Variants in PDE3B observed in about 807,000 individuals in gnomAD.
PDE3B encodes phosphodiesterase 3B.
PDE3B carries 66 observed loss-of-function variants against 116.8 expected under a neutral mutation model. The observed-to-expected ratio is 0.56, with a 90% confidence interval of 0.46 to 0.69. The LOEUF (loss-of-function observed/expected upper bound fraction) is 0.69. PDE3B is among the 30% of genes least tolerant of loss of function. The pLI is 0.00. For synonymous variants in PDE3B, 595 were observed against 533.6 expected (o/e 1.12, Z -1.59); for missense variants, 1,384 against 1,368.1 (o/e 1.01, Z -0.18).
intron 1 of PDE3B, among the ~76,000 whole-genome samples, chr11:14,742,200 A>G (rs1565117679): frequency 6.6e-6 from 1 of 152,138 alleles, no homozygotes; most frequent in Non-Finnish European, 1.5e-5. Context: ...ACTTGGTTCC[A>G]TTCTCCCTGT....
chr11:14,772,663 G>A (rs926309590), intron 2 of PDE3B: 5 of 151,824 alleles, frequency 3.3e-5, no homozygotes, highest in Admixed American at 6.6e-5. Flanking sequence ...GGAATAATAT[G>A]TGTACTTTTT....
chr11:14,769,506 CTAAGA>C (rs1377468981), intron 1 of PDE3B, among the ~76,000 whole-genome samples: 2 of 150,390 alleles, frequency 1.3e-5, no homozygotes, highest in Non-Finnish European at 3.0e-5. Flanking sequence ...AAAATATAAG[CTAAGA>C]TGAGATTGCT....
At chr11:14,759,793 C>T (rs953670727) in intron 1 of PDE3B, among the ~76,000 whole-genome samples, 5 of 151,958 alleles carry the variant, frequency 3.3e-5, no homozygotes, top group East Asian at 1.9e-4. Flanking sequence ...GTGATCTGCC[C>T]GCCTTGGCCT....
At chr11:14,838,189 C>A (rs1027834153) in intron 11 of PDE3B, among the ~76,000 whole-genome samples, 4 of 151,942 alleles carry the variant, frequency 2.6e-5, no homozygotes, top group African/African-American at 9.7e-5. Flanking sequence ...CCGTGTTAGC[C>A]AGGATGGTCT....
chr11:14,859,057 T>G lies in PDE3B; in HGVS notation c.2535T>G (p.Asn845Lys). Reference protein sequence around the residue: ...ATNAPQAVLYNDRSVLENHHA... With the variant: ...ATNAPQAVLYKDRSVLENHHA... ...TTTCTTTTTAGGCAGTTTTATACAA[T>G]GACAGATCTGTTCTGGAAAATCATC... The change falls in exon 13 of 16, where the codon AAT (asparagine) becomes AAG (lysine). Residue 845 changes from asparagine to lysine, a missense_variant. Asn to Lys is a moderately conservative substitution (Grantham distance 94). Transcript: ENST00000282096. 1 of 1,612,090 alleles carries G rather than the reference T, an allele frequency of 6.2e-7. No homozygotes were observed. The highest frequency in any genetic ancestry group is 8.5e-7 in the Non-Finnish European group (1 of 1,178,886).
At chr11:14,862,325 G>A (rs1847966742) in intron 14 of PDE3B, among the ~76,000 whole-genome samples, 2 of 152,096 alleles carry the variant, frequency 1.3e-5, no homozygotes, top group Non-Finnish European at 2.9e-5. Context: ...ATGATTCCAA[G>A]GTCTCTTTCA....
At chr11:14,879,128 A>G in the PDE3B span, 1 of 1,613,108 alleles carries the variant, frequency 6.2e-7, no homozygotes. Context: ...GGAAAAAGGA[A>G]CCAAAGCTTC....
intron 1 of PDE3B, among the ~76,000 whole-genome samples, chr11:14,713,180 A>G (rs1421616202): frequency 2.0e-5 from 3 of 152,234 alleles, no homozygotes; most frequent in South Asian, 2.1e-4. Context: ...CATTAATTAC[A>G]TAGGTGTTAT....
intron 1 of PDE3B, among the ~76,000 whole-genome samples, chr11:14,721,921 AT>A: frequency 1.4e-5 from 2 of 144,116 alleles, no homozygotes; most frequent in East Asian, 4.0e-4. Flanking sequence ...AACTTAAAGT[AT>A]AATTAAAAAA....
At chr11:14,728,000 G>A (rs1318450906) in intron 1 of PDE3B, among the ~76,000 whole-genome samples, 1 of 151,996 alleles carries the variant, frequency 6.6e-6, no homozygotes, top group East Asian at 1.9e-4. Context: ...TGTTAGAACT[G>A]TTTATGTGAT....
intron 12 of PDE3B, among the ~76,000 whole-genome samples, chr11:14,851,065 C>T (rs957506895): frequency 4.0e-5 from 6 of 151,010 alleles, no homozygotes; most frequent in African/African-American, 9.7e-5. Context: ...CCTCGTGATC[C>T]GTCTGCCTTG....
chr11:14,743,038 G>A (rs964408192), intron 1 of PDE3B, among the ~76,000 whole-genome samples: 3 of 152,156 alleles, frequency 2.0e-5, no homozygotes, highest in South Asian at 2.1e-4. Flanking sequence ...CAGGAGGCAC[G>A]GGGGTCAGGG....
At chr11:14,653,080 T>G (rs1853611829) in intron 1 of PDE3B, among the ~76,000 whole-genome samples, 1 of 152,250 alleles carries the variant, frequency 6.6e-6, no homozygotes, top group Non-Finnish European at 1.5e-5. Context: ...TTGAATTATT[T>G]ATAGTATATA....
At chr11:14,675,710 A>T (rs1232840353) in intron 1 of PDE3B, among the ~76,000 whole-genome samples, 1 of 152,180 alleles carries the variant, frequency 6.6e-6, no homozygotes. Flanking sequence ...TATTCAATGA[A>T]TATGTTCCCT....
chr11:14,839,576 T>C (rs894512826), intron 11 of PDE3B, among the ~76,000 whole-genome samples: 1 of 152,224 alleles, frequency 6.6e-6, no homozygotes, highest in African/African-American at 2.4e-5. Flanking sequence ...ACCTAACTTG[T>C]GATATTTGGC....
intron 12 of PDE3B, among the ~76,000 whole-genome samples, chr11:14,845,301 A>G (rs1041843862): frequency 1.3e-5 from 2 of 151,648 alleles, no homozygotes; most frequent in Admixed American, 6.6e-5. Context: ...AGGAAAACTA[A>G]CAAACAGAAA....
chr11:14,644,801 C>T lies in PDE3B; in HGVS notation c.726C>T (p.Ser242=), dbSNP rs1054556952. The T allele has an allele frequency of 4.3e-6, 7 of 1,610,890 alleles. No homozygotes were observed. The African/African-American group carries it at 5.3e-5, about 12-fold the overall frequency. The change falls in exon 1 of 16, where the codon TCC becomes TCT. Residue 242 remains serine (S), a synonymous_variant. Coordinates refer to ENST00000282096, the MANE Select transcript of PDE3B (RefSeq NM_000922.4). ...TCACCAGCCTCGGGTCGCTGCCCTCCGCCCTCAGGCCGCTGCTCTCCGGCC... is the reference window on the plus strand; with the variant it reads ...TCACCAGCCTCGGGTCGCTGCCCTCTGCCCTCAGGCCGCTGCTCTCCGGCC... The part of the protein sequence containing the change: ...VSFTSLGSLP[S]ALRPLLSGLV...
At chr11:14,869,038 A>G (rs1460551781) in intron 15 of PDE3B, among the ~76,000 whole-genome samples, 2 of 151,904 alleles carry the variant, frequency 1.3e-5, no homozygotes, top group African/African-American at 2.4e-5. Flanking sequence ...AAAAAATTGT[A>G]CTCATCAAAA....
intron 2 of PDE3B, among the ~76,000 whole-genome samples, chr11:14,783,578 G>A (rs1206350343): frequency 1.3e-5 from 2 of 152,018 alleles, no homozygotes. Flanking sequence ...TTGGACACAG[G>A]AAGGGGAACA....
Sources: gnomAD v4.1 joint callset for allele counts (sites outside exome capture counted in the v4.1 genomes callset) on GRCh38, gnomAD v4.1.1 for gene constraint, MANE v1.5 for transcripts, NCBI Gene and HGNC (gene_info 2026-07-23, HGNC 2026-07-21) for gene names.